The following MED12L variants were observed in gnomAD, a reference collection of about 807,000 sequenced individuals.
The protein encoded by MED12L is mediator of RNA polymerase II transcription subunit 12-like protein.
A neutral mutation model predicts 281.3 loss-of-function variants in MED12L; 60 were observed. The ratio of observed to expected loss-of-function variants is 0.21; its 90% CI spans 0.17 to 0.26. MED12L has a LOEUF of 0.26. Among genes scored for constraint, MED12L ranks in the 10% least tolerant of loss-of-function variants. The pLI, the probability that MED12L is intolerant of heterozygous loss-of-function variation, is 1.00. For synonymous variants in MED12L, 974 were observed against 987.2 expected (o/e 0.99, Z 0.25); for missense variants, 2,146 against 2,680.9 (o/e 0.80, Z 4.41).
intron 38 of MED12L, among the ~76,000 whole-genome samples, chr3:151,393,211 T>C (rs549604046): frequency 1.3e-5 from 2 of 152,216 alleles, no homozygotes. Flanking sequence ...CAAAGAGGAT[T>C]TGGGGGCTTC....
At chr3:151,280,443 G>T (rs1742625247) in intron 16 of MED12L, among the ~76,000 whole-genome samples, 1 of 152,154 alleles carries the variant, frequency 6.6e-6, no homozygotes, top group African/African-American at 2.4e-5. Context: ...GGAAACTGAG[G>T]CATGGAGATG....
At chr3:151,246,273 T>C (rs1379652859) in intron 16 of MED12L, among the ~76,000 whole-genome samples, 1 of 152,120 alleles carries the variant, frequency 6.6e-6, no homozygotes, top group African/African-American at 2.4e-5. Flanking sequence ...AAAACTACTT[T>C]AAAGTTCATA....
chr3:151,243,168 T>A (rs1475266707), intron 16 of MED12L, among the ~76,000 whole-genome samples: 2 of 151,756 alleles, frequency 1.3e-5, no homozygotes, highest in Non-Finnish European at 2.9e-5. Context: ...ATGGGGAGAA[T>A]GGAACCAAGT....
chr3:151,220,999 A>T (rs949646536), intron 16 of MED12L, among the ~76,000 whole-genome samples: 2 of 152,234 alleles, frequency 1.3e-5, no homozygotes, highest in Non-Finnish European at 2.9e-5. Context: ...CAAAATGCTG[A>T]TAGTGATATG....
chr3:151,338,619 G>A lies in MED12L; in HGVS notation c.2251-11440G>A, dbSNP rs1044138755. On this transcript the variant is annotated intron_variant, in intron 16 of 44. Transcript: ENST00000687756. The stretch of plus-strand genomic sequence containing the variant: ...ATCACTAAGAATTTTGAATGGAAAA[G>A]TCAGAATCATGAGAAGATCAGAAAT... 4 of 1,613,988 alleles carry A rather than the reference G, an allele frequency of 2.5e-6. No individual in the cohort carries two copies. Among genetic ancestry groups the A allele is most frequent in the Non-Finnish European group, 3.4e-6 (4 of 1,179,992 alleles).
At position 151,206,642 on chromosome 3, in the gene MED12L, CTTTTT is replaced by C. The variant is rs747558778; in HGVS notation, c.2250+12992_2250+12996del. ...TATGAACTTATGACTAACACATTATCTTTTTTTTTTTTTTTTTTTTGAGACAGAGT... is the reference window on the plus strand; with the variant it reads ...TATGAACTTATGACTAACACATTATCTTTTTTTTTTTTTTTGAGACAGAGT... On this transcript the variant is annotated intron_variant, in intron 16 of 44. Transcript: ENST00000687756. Among the ~76,000 whole-genome samples, 18 of 70,326 alleles carry C rather than the reference CTTTTT, an allele frequency of 2.6e-4. 1 individual carries two copies. The highest frequency in any genetic ancestry group is 3.6e-4 in the African/African-American group (6 of 16,684). The allele number at this position is 70,326 out of a possible 152,430, so 46.1% of individuals were successfully genotyped here.
chr3:151,194,881 T>C (rs1724438721), intron 16 of MED12L, among the ~76,000 whole-genome samples: 1 of 152,124 alleles, frequency 6.6e-6, no homozygotes, highest in African/African-American at 2.4e-5. Context: ...AAAGCATAAT[T>C]GGGCCGGGCG....
At chr3:151,273,992 C>T (rs1158845493) in intron 16 of MED12L, among the ~76,000 whole-genome samples, 2 of 152,034 alleles carry the variant, frequency 1.3e-5, no homozygotes, top group Non-Finnish European at 2.9e-5. Flanking sequence ...TTTTTTAAAT[C>T]GTGTGGCCTC....
At chr3:151,376,342 T>G in intron 28 of MED12L, 128 bp downstream of exon 28, 1 of 745,808 alleles carries the variant, frequency 1.3e-6, no homozygotes, top group Non-Finnish European at 2.0e-6. Context: ...TCCCACACAT[T>G]TTCTGTGGAA....
At chr3:151,116,506 A>C in intron 3 of MED12L, 64 bp downstream of exon 3, 1 of 1,005,196 alleles carries the variant, frequency 9.9e-7, no homozygotes, top group Non-Finnish European at 1.5e-6. Context: ...ACCCTTAATA[A>C]TCACTGTTGA....
chr3:151,207,999 T>TC (rs1480036960), intron 16 of MED12L, among the ~76,000 whole-genome samples: 2 of 152,258 alleles, frequency 1.3e-5, no homozygotes. Context: ...TAAATGTTTC[T>TC]CAGAGCTTTA....
chr3:151,431,688 A>G (rs115810293), intron 44 of MED12L, among the ~76,000 whole-genome samples: 1 of 152,266 alleles, frequency 6.6e-6, no homozygotes, highest in Non-Finnish European at 1.5e-5. Flanking sequence ...ATAGGTAACT[A>G]TGATTTTTAT....
chr3:151,136,653 C>G (rs948538698), intron 5 of MED12L, among the ~76,000 whole-genome samples: 5 of 152,144 alleles, frequency 3.3e-5, no homozygotes, highest in Admixed American at 1.3e-4. Context: ...GTTTTAACAT[C>G]TGTTGATGAA....
chr3:151,086,922 A>C lies in MED12L; in HGVS notation c.-5A>C. 4 of 1,585,764 alleles carry C rather than the reference A, an allele frequency of 2.5e-6. No individual in the cohort carries two copies. Among genetic ancestry groups the C allele is most frequent in the Non-Finnish European group, 3.4e-6 (4 of 1,167,012 alleles). On this transcript the variant is annotated 5_prime_UTR_variant, in exon 2 of 45. Coordinates refer to ENST00000687756, the MANE Select transcript of MED12L (RefSeq NM_001393769.1). ...CATTCATTTCGCCGGTTAACATGAGAGATCATGGCCGCCTTCGGGCTTCTC... is the reference window on the plus strand; with the variant it reads ...CATTCATTTCGCCGGTTAACATGAGCGATCATGGCCGCCTTCGGGCTTCTC...
chr3:151,319,085 G>C (rs929858393), intron 16 of MED12L, among the ~76,000 whole-genome samples: 2 of 152,108 alleles, frequency 1.3e-5, no homozygotes, highest in Admixed American at 6.5e-5. Flanking sequence ...GCCTTTATGC[G>C]TTAGTCTTAA....
intron 16 of MED12L, chr3:151,241,849 T>C (rs966838214): frequency 6.5e-6 from 1 of 154,014 alleles, no homozygotes; most frequent in Admixed American, 6.5e-5. Context: ...AAGACGGTGA[T>C]TTCTGCATTT....
chr3:151,267,254 T>G (rs960682312), intron 16 of MED12L, among the ~76,000 whole-genome samples: 2 of 152,148 alleles, frequency 1.3e-5, no homozygotes, highest in African/African-American at 4.8e-5. Context: ...TGAAAAGGAT[T>G]GTACATTGTC....
intron 38 of MED12L, among the ~76,000 whole-genome samples, chr3:151,391,712 A>G (rs1714255063): frequency 1.3e-5 from 2 of 152,236 alleles, no homozygotes; most frequent in Non-Finnish European, 2.9e-5. Flanking sequence ...AGCTTGCTCT[A>G]CAGCATCAGA....
chr3:151,141,165 C>T (rs1716880640), intron 5 of MED12L, among the ~76,000 whole-genome samples: 5 of 103,890 alleles, frequency 4.8e-5, no homozygotes, highest in Admixed American at 1.8e-4. Flanking sequence ...CCGTGCCTGG[C>T]GTTTTTTTTT....
Sources: allele counts gnomAD v4.1 joint callset (sites outside exome capture counted in the v4.1 genomes callset), GRCh38; gene constraint gnomAD v4.1.1; transcripts MANE v1.5; gene names NCBI Gene and HGNC (gene_info 2026-07-23, HGNC 2026-07-21).